The following DOT1L variants were observed in gnomAD, a reference collection of about 807,000 sequenced individuals.
DOT1L encodes the protein DOT1 like histone lysine methyltransferase, also known as histone-lysine N-methyltransferase, H3 lysine-79 specific.
A neutral mutation model predicts 153.3 loss-of-function variants in DOT1L; 33 were observed. The observed-to-expected ratio is 0.22, with a 90% CI of 0.16 to 0.29. DOT1L has a LOEUF of 0.29. DOT1L is among the 10% of genes least tolerant of loss of function. The probability of loss-of-function intolerance (pLI) is 1.00; values close to 1 mark genes in which losing one functional copy is unlikely to be tolerated. For synonymous variants in DOT1L, 1,135 were observed against 965.1 expected (o/e 1.18, Z -3.26); for missense variants, 1,847 against 2,119.9 (o/e 0.87, Z 2.53).
Position 2,193,891 on chromosome 19 carries a change from C to T in DOT1L, c.588+108C>T, listed in dbSNP as rs140776757. On this transcript the variant is annotated intron_variant, in intron 6 of 27. Coordinates refer to ENST00000398665, the MANE Select transcript of DOT1L (RefSeq NM_032482.3). The surrounding 1 kb of genome is among the most constrained non-coding windows in gnomAD (Gnocchi z 5.9). ...CTGTGGGACTTCCGAGTCTGGGTGG[C>T]GTTCTTTCCAGGCCCAAGACGTCTT... The T allele has an allele frequency of 3.6e-5, 43 of 1,207,092 alleles. No individual in the cohort carries two copies. The highest frequency in any genetic ancestry group is 3.0e-4 in the African/African-American group (20 of 67,076). 74.8% of individuals were successfully genotyped at this position (1,207,092 alleles called of 1,614,324 possible).
chr19:2,217,591 C>T lies in DOT1L; in HGVS notation c.2545-181C>T, dbSNP rs2023953506. Among the ~76,000 whole-genome samples the T allele has an allele frequency of 6.6e-6, 1 of 152,134 alleles. No homozygotes were observed. The highest frequency in any genetic ancestry group is 2.1e-4 in the South Asian group (1 of 4,830). ...TTCAGACACCAGGAGCGTGCCGTCCCTCTGGAGTGTCCCAAAGCCGGTGTC... is the reference window on the plus strand; with the variant it reads ...TTCAGACACCAGGAGCGTGCCGTCCTTCTGGAGTGTCCCAAAGCCGGTGTC... On this transcript the variant is annotated intron_variant, in intron 21 of 27. Coordinates refer to ENST00000398665, the MANE Select transcript of DOT1L (RefSeq NM_032482.3). This position sits in a 1 kb window ranked among gnomAD's most constrained non-coding sequence, Gnocchi z 7.3.
At chr19:2,201,102 C>T (rs1237620083) in intron 8 of DOT1L, among the ~76,000 whole-genome samples, 2 of 121,812 alleles carry the variant, frequency 1.6e-5, no homozygotes, top group African/African-American at 3.1e-5. Flanking sequence ...TCGTCCTCCC[C>T]GCATTCCTCG....
chr19:2,226,187 T>C lies in DOT1L; in HGVS notation c.3666T>C (p.Gly1222=), dbSNP rs2024320997. 6.6e-7 allele frequency: 1 copy of C among 1,514,734 alleles called. No individual in the cohort carries two copies. The highest frequency in any genetic ancestry group is 8.9e-7 in the Non-Finnish European group (1 of 1,129,818). The allele number at this position is 1,514,734 out of a possible 1,614,324, so 93.8% of individuals were successfully genotyped here. A position where few individuals can be genotyped will look rare whatever the true frequency, so the allele number is the denominator to read the frequency against. ...KSPPKTLENG[G]GLAGRKPAPA... ...TCTGCCTTTCCTCTTTGCCAGGTGG[T>C]GGCTTGGCGGGAAGGAAGCCCGCGC... Residue 1222 remains glycine (G), a synonymous_variant, in exon 27 of 28, where the codon GGT becomes GGC. Coordinates refer to ENST00000398665, the MANE Select transcript of DOT1L (RefSeq NM_032482.3).
intron 8 of DOT1L, among the ~76,000 whole-genome samples, chr19:2,201,186 C>T (rs2023263137): frequency 6.9e-6 from 1 of 144,414 alleles, no homozygotes; most frequent in Non-Finnish European, 1.5e-5. Flanking sequence ...CATTCCTCGT[C>T]CTCCCCTCAT....
intron 27 of DOT1L, chr19:2,228,231 G>A: frequency 1.5e-6 from 2 of 1,362,756 alleles, no homozygotes; most frequent in Non-Finnish European, 2.0e-6. Context: ...GCTGGCCCTG[G>A]CCCAGGCCGC....
chr19:2,227,159 C>G (rs1383952642), intron 27 of DOT1L, 32 bp downstream of exon 27: 1 of 1,569,274 alleles, frequency 6.4e-7, no homozygotes, highest in Non-Finnish European at 8.6e-7. Flanking sequence ...CCGCCCCCCG[C>G]CCCGGCCCCC....
rs1199530226 is a variant in DOT1L, at chr19:2,226,627, G to A, written c.4106G>A (p.Ser1369Asn). ...KEGSDANPFL[S>N]KRQLDGLAGL... ...GGCTCGGACGCCAACCCTTTCCTGAGCAAGAGGCAGCTGGACGGCCTGGCT... is the reference window on the plus strand; with the variant it reads ...GGCTCGGACGCCAACCCTTTCCTGAACAAGAGGCAGCTGGACGGCCTGGCT... The change falls in exon 27 of 28, where the codon AGC (serine) becomes AAC (asparagine). Residue 1369 changes from serine (S) to asparagine (N), a missense_variant. Around this residue, in one of 8 missense-constraint regions of DOT1L, gnomAD observed 934 missense variants for 825.3 expected, o/e 1.13. Coordinates refer to ENST00000398665, the MANE Select transcript of DOT1L (RefSeq NM_032482.3). 1 of 1,593,472 alleles carries A rather than the reference G, an allele frequency of 6.3e-7. No homozygotes were observed.
intron 9 of DOT1L, 40 bp from the exon 10 acceptor site, chr19:2,206,689 C>T (rs1338038253): frequency 3.1e-6 from 5 of 1,607,714 alleles, no homozygotes; most frequent in African/African-American, 1.3e-5. Context: ...TCTTCTGTTT[C>T]CTCTCTCCTG....
At chr19:2,173,129 C>T (rs1332852498) in intron 1 of DOT1L, among the ~76,000 whole-genome samples, 1 of 152,190 alleles carries the variant, frequency 6.6e-6, no homozygotes. Context: ...GTGCTGGTCT[C>T]CCCTAGCGTC....
chr19:2,211,284 C>G (rs556529394), intron 15 of DOT1L, 72 bp downstream of exon 15: 4 of 1,334,880 alleles, frequency 3.0e-6, no homozygotes, highest in Non-Finnish European at 3.1e-6. Context: ...TGGGTTGTGA[C>G]GCTGACCTCG....
chr19:2,167,317 G>A (rs572071896), intron 1 of DOT1L, among the ~76,000 whole-genome samples: 166 of 152,360 alleles, frequency 1.1e-3, no homozygotes, highest in East Asian at 3.7e-3. Flanking sequence ...CGGGGCCTGG[G>A]GTAGTGGTCT....
At chr19:2,219,888 C>A (rs2024046385) in intron 22 of DOT1L, among the ~76,000 whole-genome samples, 1 of 152,218 alleles carries the variant, frequency 6.6e-6, no homozygotes, top group African/African-American at 2.4e-5. Flanking sequence ...TGCCTCAGGC[C>A]CGCTGCCCAT....
At chr19:2,212,903 G>C (rs1399109792) in intron 16 of DOT1L, 2 of 152,268 alleles carry the variant, frequency 1.3e-5, no homozygotes, top group Non-Finnish European at 2.9e-5. Flanking sequence ...TGGAAGTTCT[G>C]GCGGCCCAGA....
chr19:2,196,918 C>T (rs977825139), intron 7 of DOT1L, among the ~76,000 whole-genome samples: 2 of 152,186 alleles, frequency 1.3e-5, no homozygotes, highest in African/African-American at 2.4e-5. Flanking sequence ...GTGCAGCGTG[C>T]GCTTTTTCGT....
At chr19:2,164,962 C>T (rs908472552) in intron 1 of DOT1L, among the ~76,000 whole-genome samples, 1 of 152,170 alleles carries the variant, frequency 6.6e-6, no homozygotes, top group African/African-American at 2.4e-5. Flanking sequence ...TTGGGCTCAC[C>T]CCCGGAGTTA....
intron 1 of DOT1L, among the ~76,000 whole-genome samples, chr19:2,176,405 G>T (rs926660511): frequency 2.0e-5 from 3 of 152,214 alleles, no homozygotes; most frequent in Non-Finnish European, 4.4e-5. Context: ...ACGGCTCGCG[G>T]GAGTTGCAGA....
At chr19:2,184,042 C>T (rs2022373502) in intron 2 of DOT1L, among the ~76,000 whole-genome samples, 1 of 152,206 alleles carries the variant, frequency 6.6e-6, no homozygotes, top group South Asian at 2.1e-4. Context: ...CGCGCGTATT[C>T]CTCAGCACGC....
Position 2,228,394 on chromosome 19 carries a change from G to C in DOT1L, c.4606+1267G>C, listed in dbSNP as rs778347593. On this transcript the variant is annotated intron_variant, in intron 27 of 27. Transcript: ENST00000398665. Reference sequence around the variant, plus strand: ...GCGTATTGTGTAAGGTAAGGCCAGAGCCCTGCGCGGTGGCTCACTCCAGAC... The same window carrying C: ...GCGTATTGTGTAAGGTAAGGCCAGACCCCTGCGCGGTGGCTCACTCCAGAC... The C allele has an allele frequency of 3.9e-6, 5 of 1,265,912 alleles. No individual in the cohort carries two copies. In the African/African-American group the frequency reaches 6.2e-5, roughly 16 times the overall value. 78.4% of individuals were successfully genotyped at this position (1,265,912 alleles called of 1,614,324 possible).
At chr19:2,227,912 G>T (rs1490885878) in intron 27 of DOT1L, 2 of 1,091,462 alleles carry the variant, frequency 1.8e-6, no homozygotes, top group Non-Finnish European at 2.3e-6. Context: ...CGCCCCCTCC[G>T]CCTCCGCCTC....
Sources: allele counts gnomAD v4.1 joint callset (sites outside exome capture counted in the v4.1 genomes callset), GRCh38; gene constraint gnomAD v4.1.1; regional missense constraint gnomAD v4.1.1; non-coding constraint Gnocchi (gnomAD v3.1); transcripts MANE v1.5; gene names NCBI Gene and HGNC (gene_info 2026-07-23, HGNC 2026-07-21).